The following AKNA variants were observed in gnomAD, a reference collection of about 807,000 sequenced individuals.
The protein encoded by AKNA is microtubule organization protein AKNA.
AKNA carries 67 observed loss-of-function variants against 138.8 expected under a neutral mutation model. The observed-to-expected ratio is 0.48, with a 90% confidence interval of 0.40 to 0.59. The LOEUF (loss-of-function observed/expected upper bound fraction) is 0.59. AKNA is among the 20% of genes least tolerant of loss of function. The probability of loss-of-function intolerance (pLI) is 0.00; values close to 1 mark genes in which losing one functional copy is unlikely to be tolerated. For missense variants in AKNA, 1,813 were observed against 1,880.4 expected, an observed-to-expected ratio of 0.96 and a Z score of 0.66; for synonymous variants, 737 against 754.4, an observed-to-expected ratio of 0.98 and a Z score of 0.38.
At chr9:114,387,624 C>T (rs1198309266) in intron 1 of AKNA, among the ~76,000 whole-genome samples, 2 of 152,218 alleles carry the variant, frequency 1.3e-5, no homozygotes, top group Admixed American at 6.5e-5. Flanking sequence ...CACAAGAGAT[C>T]AGAATCAGAG....
intron 8 of AKNA, among the ~76,000 whole-genome samples, 195 bp from the exon 9 acceptor site, chr9:114,362,106 C>A (rs1262643330): frequency 6.6e-6 from 1 of 152,096 alleles, no homozygotes; most frequent in Non-Finnish European, 1.5e-5. Context: ...AGGTCTCAGC[C>A]CAAGTCCCCT....
intron 15 of AKNA, among the ~76,000 whole-genome samples, chr9:114,350,629 A>T (rs945581183): frequency 6.6e-6 from 1 of 152,174 alleles, no homozygotes; most frequent in African/African-American, 2.4e-5. Flanking sequence ...CAGAAAGGTG[A>T]ATCTTTAGGT....
chr9:114,355,676 G>A (rs1032582376), intron 14 of AKNA, among the ~76,000 whole-genome samples: 1 of 152,218 alleles, frequency 6.6e-6, no homozygotes, highest in Non-Finnish European at 1.5e-5. Context: ...GTGCATGACA[G>A]TATGTGTAAA....
chr9:114,348,819 C>A (rs148141929), intron 15 of AKNA: 70 of 454,924 alleles, frequency 1.5e-4, no homozygotes, highest in African/African-American at 1.3e-3. Context: ...ACCCTCCAGG[C>A]GGATGCAGGC....
intron 16 of AKNA, among the ~76,000 whole-genome samples, chr9:114,347,092 C>G (rs747898363): frequency 1.1e-4 from 17 of 152,164 alleles, no homozygotes; most frequent in Non-Finnish European, 2.2e-4. Flanking sequence ...AAGAAGCCAG[C>G]TGATTTTATG....
intron 4 of AKNA, among the ~76,000 whole-genome samples, chr9:114,370,306 C>T (rs910432041): frequency 3.9e-5 from 6 of 152,244 alleles, no homozygotes; most frequent in Non-Finnish European, 5.9e-5. Flanking sequence ...CCTATCAGCA[C>T]CCCTCTCCTG....
Position 114,376,842 on chromosome 9 carries a change from G to C in AKNA, c.965C>G (p.Pro322Arg). 1 of 1,613,954 alleles carries C rather than the reference G, an allele frequency of 6.2e-7. No individual in the cohort carries two copies. The highest frequency in any genetic ancestry group is 1.1e-5 in the South Asian group (1 of 91,072). Residue 322 changes from proline to arginine, a missense_variant, in exon 3 of 22, where the codon CCC becomes CGC. Coordinates refer to ENST00000374088, the MANE Select transcript of AKNA (RefSeq NM_001317950.2). ...IGSISPLNPQ[P>R]RPTRQGRPLP... ...CGGCCTGCCCTGCCGCGTTGGCCTG[G>C]GCTGGGGATTCAGGGGGCTGATGGA...
At chr9:114,359,478 A>G (rs2131908055) in intron 11 of AKNA, 116 bp downstream of exon 11, 1 of 1,573,308 alleles carries the variant, frequency 6.4e-7, no homozygotes, top group Non-Finnish European at 8.6e-7. Context: ...TTGAAGAGGC[A>G]GGACAGGTAA....
chr9:114,381,750 T>A (rs1222557670), intron 1 of AKNA, among the ~76,000 whole-genome samples: 3 of 141,862 alleles, frequency 2.1e-5, no homozygotes, highest in African/African-American at 7.8e-5. Context: ...AACCTCCGTC[T>A]CCCAGGTTCA....
intron 13 of AKNA, among the ~76,000 whole-genome samples, chr9:114,356,603 T>C (rs991747552): frequency 3.3e-5 from 5 of 152,226 alleles, no homozygotes; most frequent in African/African-American, 1.2e-4. Context: ...TATTCATTCA[T>C]CCATTCATTT....
upstream of AKNA, among the ~76,000 whole-genome samples, chr9:114,388,407 G>A (rs1327987985): frequency 6.6e-6 from 1 of 152,168 alleles, no homozygotes; most frequent in East Asian, 1.9e-4. Context: ...CATGTGCACG[G>A]TGAGAGCTCA....
chr9:114,370,015 C>A (rs1832654722), intron 4 of AKNA, among the ~76,000 whole-genome samples: 2 of 152,214 alleles, frequency 1.3e-5, no homozygotes, highest in South Asian at 2.1e-4. Context: ...GGGATTTGCT[C>A]ATCATGATGT....
downstream of AKNA, chr9:114,330,553 C>T (rs562446012): frequency 1.9e-5 from 30 of 1,612,934 alleles, no homozygotes; most frequent in Non-Finnish European, 2.4e-5. Context: ...AGGACACGAT[C>T]TTTCTCAGAG....
Position 114,350,970 on chromosome 9 carries a change from A to C in AKNA, c.3110T>G (p.Leu1037Arg). ...EGHKRISEQP[L>R]PNKTISPPPA... ...GGGTGGGCTGATTGTCTTGTTGGGA[A>C]GGGGCTGTTCAGAAATCCGTTTGTG... The change falls in exon 15 of 22, where the codon CTT (leucine) becomes CGT (arginine). Residue 1037 changes from leucine (L) to arginine (R), a missense_variant. Transcript: ENST00000374088. 6.2e-7 allele frequency: 1 copy of C among 1,613,574 alleles called. No individual in the cohort carries two copies. The highest frequency in any genetic ancestry group is 1.1e-5 in the South Asian group (1 of 91,050).
chr9:114,341,981 T>A (rs1830386412), intron 20 of AKNA, 28 bp downstream of exon 20: 1 of 1,588,612 alleles, frequency 6.3e-7, no homozygotes, highest in Non-Finnish European at 8.6e-7. Flanking sequence ...AGGGTCTGGC[T>A]AAGAGAAGAA....
chr9:114,361,652 G>C, intron 9 of AKNA, 52 bp downstream of exon 9: 1 of 1,589,202 alleles, frequency 6.3e-7, no homozygotes, highest in Admixed American at 1.7e-5. Flanking sequence ...ATGAATTAAC[G>C]AAGAAATGAA....
chr9:114,373,512 G>C (rs1032014794), intron 4 of AKNA, among the ~76,000 whole-genome samples: 3 of 152,146 alleles, frequency 2.0e-5, no homozygotes, highest in Non-Finnish European at 4.4e-5. Flanking sequence ...TCACACAGCT[G>C]GTTAGCAATG....
intron 2 of AKNA, among the ~76,000 whole-genome samples, chr9:114,380,715 C>T (rs1218207542): frequency 6.6e-6 from 1 of 151,822 alleles, no homozygotes; most frequent in Non-Finnish European, 1.5e-5. Flanking sequence ...CGGGCTTATG[C>T]CTGTAATCCC....
At chr9:114,367,323 G>C (rs927479019) in intron 6 of AKNA, among the ~76,000 whole-genome samples, 18 of 152,100 alleles carry the variant, frequency 1.2e-4, no homozygotes, top group Admixed American at 9.8e-4. Flanking sequence ...TGCCAAAAAG[G>C]GGGGTGAGAC....
Sources: gnomAD v4.1 joint callset for allele counts (sites outside exome capture counted in the v4.1 genomes callset) on GRCh38, gnomAD v4.1.1 for gene constraint, MANE v1.5 for transcripts, NCBI Gene and HGNC (gene_info 2026-07-23, HGNC 2026-07-21) for gene names.